Variants in CSMD1 observed in about 807,000 individuals in gnomAD.
CSMD1 encodes the protein CUB and Sushi multiple domains 1.
A neutral mutation model predicts 417.5 loss-of-function variants in CSMD1; 213 were observed. The ratio of observed to expected loss-of-function variants is 0.51; its 90% CI spans 0.46 to 0.57. CSMD1 has a LOEUF of 0.57. CSMD1 is among the 20% of genes least tolerant of loss of function. The pLI is 0.00. For synonymous variants in CSMD1, 2,862 were observed against 1,736.8 expected (o/e 1.65, Z -16.11); for missense variants, 6,923 against 4,529.7 (o/e 1.53, Z -15.17).
intron 10 of CSMD1, among the ~76,000 whole-genome samples, chr8:3,517,743 T>C (rs559594126): frequency 6.6e-6 from 1 of 152,258 alleles, no homozygotes; most frequent in Non-Finnish European, 1.5e-5. Context: ...GCTGAGAGAT[T>C]AATTAAAATG....
At chr8:3,775,472 A>G (rs1798845242) in intron 5 of CSMD1, among the ~76,000 whole-genome samples, 2 of 152,196 alleles carry the variant, frequency 1.3e-5, no homozygotes, top group Non-Finnish European at 2.9e-5. Context: ...AATGATACTC[A>G]TGAAAAGGAC....
chr8:3,009,763 T>C (rs1401334815), intron 52 of CSMD1, among the ~76,000 whole-genome samples: 1 of 152,136 alleles, frequency 6.6e-6, no homozygotes, highest in Non-Finnish European at 1.5e-5. Context: ...CATGGAGGTA[T>C]TGGGCTTGCA....
At chr8:3,214,109 G>T (rs1797759943) in intron 30 of CSMD1, among the ~76,000 whole-genome samples, 1 of 152,056 alleles carries the variant, frequency 6.6e-6, no homozygotes, top group Non-Finnish European at 1.5e-5. Flanking sequence ...CTCTTGAAGT[G>T]CTGGGATTAC....
At chr8:4,284,240 T>C (rs1260898123) in intron 3 of CSMD1, among the ~76,000 whole-genome samples, 2 of 151,934 alleles carry the variant, frequency 1.3e-5, no homozygotes, top group Non-Finnish European at 2.9e-5. Context: ...TGGTGGCACG[T>C]GCCTGTAATG....
chr8:4,370,085 C>A (rs1009685992), intron 3 of CSMD1, among the ~76,000 whole-genome samples: 1 of 151,674 alleles, frequency 6.6e-6, no homozygotes. Flanking sequence ...GGTAGTCATT[C>A]TTTCATTTCC....
At chr8:4,869,355 G>A (rs1333911232) in intron 1 of CSMD1, among the ~76,000 whole-genome samples, 1 of 151,894 alleles carries the variant, frequency 6.6e-6, no homozygotes, top group Non-Finnish European at 1.5e-5. Context: ...TTTCCTTTAT[G>A]TTAATGCTCT....
chr8:4,366,491 G>A lies in CSMD1; in HGVS notation c.415+53462C>T, dbSNP rs114212075. On this transcript the variant is annotated intron_variant, in intron 3 of 69. Coordinates refer to ENST00000635120, the MANE Select transcript of CSMD1 (RefSeq NM_033225.6). ...ATAGTAGTCCTGTTTTAAGTTCTTC[G>A]ATAAAACTCCACAGTTTTCCACAGT... 7.4e-3 allele frequency among the ~76,000 whole-genome samples: 1,128 copies of A among 152,192 alleles called. 12 individuals are homozygous for A. The highest frequency in any genetic ancestry group is 0.026 in the African/African-American group (1,072 of 41,520).
In CSMD1 at chr8:3,187,884, G is replaced by A. The variant is rs1284882125; in HGVS notation, c.5605C>T (p.Leu1869=). 18 of 1,612,676 alleles carry A rather than the reference G, an allele frequency of 1.1e-5. No homozygotes were observed. The highest frequency in any genetic ancestry group is 1.5e-5 in the Non-Finnish European group (18 of 1,179,376). Residue 1869 remains leucine (L), a synonymous_variant, in exon 36 of 70, where the codon CTG becomes TTG. Coordinates refer to ENST00000635120, the MANE Select transcript of CSMD1 (RefSeq NM_033225.6). ...TCCATCTTACCTGAGAAGCTTCCCA[G>A]TCTGGGTGCGGTCACATCCCCACCA... The part of the protein sequence containing the change: ...HDGGDVTAPR[L]GSFSGTTVPA...
intron 5 of CSMD1, among the ~76,000 whole-genome samples, chr8:3,893,058 C>T (rs946134921): frequency 7.3e-5 from 11 of 151,514 alleles, no homozygotes; most frequent in Non-Finnish European, 1.3e-4. Context: ...ACAAGTTTGA[C>T]CAAGTATGCT....
chr8:4,565,374 G>A (rs926104669), intron 2 of CSMD1, among the ~76,000 whole-genome samples: 1 of 152,102 alleles, frequency 6.6e-6, no homozygotes, highest in Non-Finnish European at 1.5e-5. Flanking sequence ...TGCAGCTGTG[G>A]TATGCCCACA....
At chr8:4,955,897 G>A (rs1451884111) in intron 1 of CSMD1, among the ~76,000 whole-genome samples, 2 of 152,146 alleles carry the variant, frequency 1.3e-5, no homozygotes, top group East Asian at 1.9e-4. Flanking sequence ...AAACTTCAGA[G>A]GCAAAAAATT....
At chr8:3,779,241 G>C (rs990182866) in intron 5 of CSMD1, among the ~76,000 whole-genome samples, 1 of 151,952 alleles carries the variant, frequency 6.6e-6, no homozygotes, top group African/African-American at 2.4e-5. Context: ...CTTCTAGAAG[G>C]TGAGGACTAG....
intron 3 of CSMD1, among the ~76,000 whole-genome samples, chr8:4,285,442 G>C (rs1018043276): frequency 1.3e-5 from 2 of 152,164 alleles, no homozygotes; most frequent in African/African-American, 4.8e-5. Context: ...CTAGACAAGG[G>C]TATTAGTTCA....
chr8:3,335,883 A>C (rs1306990072), intron 23 of CSMD1, among the ~76,000 whole-genome samples: 1 of 152,176 alleles, frequency 6.6e-6, no homozygotes, highest in Non-Finnish European at 1.5e-5. Context: ...TGGAAGTTCA[A>C]AGAGCAGAAG....
At chr8:4,466,315 G>A (rs972173980) in intron 2 of CSMD1, among the ~76,000 whole-genome samples, 5 of 152,116 alleles carry the variant, frequency 3.3e-5, no homozygotes, top group African/African-American at 9.7e-5. Flanking sequence ...AGAAACAGAA[G>A]AGGGAAGAAA....
chr8:4,624,466 G>C (rs913517108), intron 2 of CSMD1, among the ~76,000 whole-genome samples: 2 of 152,160 alleles, frequency 1.3e-5, no homozygotes, highest in East Asian at 1.9e-4. Flanking sequence ...GGCTGCAGTT[G>C]TCAATCACCT....
chr8:3,295,686 T>A (rs1250642473), intron 25 of CSMD1, among the ~76,000 whole-genome samples: 1 of 152,158 alleles, frequency 6.6e-6, no homozygotes, highest in Non-Finnish European at 1.5e-5. Context: ...TGGTCCAGGG[T>A]AATGTATGTA....
chr8:4,042,375 G>A (rs943873350), intron 3 of CSMD1, among the ~76,000 whole-genome samples: 1 of 152,050 alleles, frequency 6.6e-6, no homozygotes, highest in South Asian at 2.1e-4. Context: ...ACCAAGGAGA[G>A]ATTCAGCAAC....
intron 1 of CSMD1, among the ~76,000 whole-genome samples, chr8:4,819,062 G>A (rs1447757115): frequency 6.6e-6 from 1 of 152,170 alleles, no homozygotes; most frequent in Admixed American, 6.5e-5. Context: ...ACCTGGAAGA[G>A]CAGCTCAGCA....
Sources: gnomAD v4.1 joint callset for allele counts (sites outside exome capture counted in the v4.1 genomes callset) on GRCh38, gnomAD v4.1.1 for gene constraint, MANE v1.5 for transcripts, NCBI Gene and HGNC (gene_info 2026-07-23, HGNC 2026-07-21) for gene names.